Variants in MYL4 observed in about 807,000 individuals in gnomAD.
MYL4 encodes atrial myosin light chain 1.
MYL4 carries 16 observed loss-of-function variants against 21.6 expected under a neutral mutation model. The observed-to-expected ratio is 0.74, with a 90% CI of 0.50 to 1.12. MYL4 has a LOEUF of 1.12. MYL4 is among the 50% of genes most tolerant of loss of function. MYL4 has a pLI of 0.00. For missense variants in MYL4, 249 were observed against 252.9 expected (o/e 0.98, Z 0.11); for synonymous variants, 82 against 95.7 (o/e 0.86, Z 0.83).
chr17:47,194,472 C>T, the MYL4 span, among the ~76,000 whole-genome samples: 1 of 152,298 alleles, frequency 6.6e-6, no homozygotes, highest in East Asian at 1.9e-4. Flanking sequence ...ATATTATTCT[C>T]AAAATAATCC....
chr17:47,211,455 GTTAGGACCACGTC>G (rs1272670487), intron 1 of MYL4, among the ~76,000 whole-genome samples: 2 of 152,110 alleles, frequency 1.3e-5, no homozygotes, highest in East Asian at 3.8e-4. Context: ...AGTGTGTGTA[GTTAGGACCACGTC>G]TATTGAGATT....
intron 1 of MYL4, among the ~76,000 whole-genome samples, chr17:47,202,171 A>G (rs1214670807): frequency 2.6e-5 from 4 of 152,084 alleles, no homozygotes; most frequent in African/African-American, 9.7e-5. Flanking sequence ...TTTTTAGTAG[A>G]GAAGGGGTTT....
At chr17:47,191,153 A>AGT in the MYL4 span, among the ~76,000 whole-genome samples, 4 of 152,234 alleles carry the variant, frequency 2.6e-5, no homozygotes, top group African/African-American at 9.6e-5. Context: ...TGTTGGTCAG[A>AGT]GTAAGACTCA....
upstream of MYL4, among the ~76,000 whole-genome samples, chr17:47,206,400 G>A (rs552558019): frequency 1.3e-5 from 2 of 152,236 alleles, no homozygotes; most frequent in South Asian, 2.1e-4. Context: ...AGGATCATAC[G>A]TCTTTGTAGA....
the MYL4 span, among the ~76,000 whole-genome samples, chr17:47,195,333 G>A: frequency 5.3e-5 from 8 of 151,512 alleles, no homozygotes; most frequent in East Asian, 9.7e-4. Flanking sequence ...AGGTTCAAGC[G>A]ATTCTCCTGC....
chr17:47,196,289 A>G (rs2064688794), upstream of MYL4, among the ~76,000 whole-genome samples: 1 of 152,264 alleles, frequency 6.6e-6, no homozygotes, highest in African/African-American at 2.4e-5. Context: ...ATCTAGGAAG[A>G]GAGCCCTCAC....
At chr17:47,221,651 A>G in intron 3 of MYL4, 31 bp from the exon 4 acceptor site, 1 of 1,595,644 alleles carries the variant, frequency 6.3e-7, no homozygotes, top group Non-Finnish European at 8.6e-7. Flanking sequence ...GCTCACATTG[A>G]TTTCTCTTTC....
At chr17:47,223,103 G>T (rs1484992469) in intron 6 of MYL4, 46 bp downstream of exon 6, 15 of 1,597,832 alleles carry the variant, frequency 9.4e-6, no homozygotes, top group African/African-American at 4.0e-5. Flanking sequence ...GTCACATAGG[G>T]CCTTAAGAAT....
intron 2 of MYL4, among the ~76,000 whole-genome samples, chr17:47,215,821 T>C (rs67777457): frequency 0.086 from 13,130 of 152,224 alleles, 669 homozygotes; most frequent in African/African-American, 0.13. Context: ...GACAAGGTCT[T>C]GCTCTCTCAC....
intron 1 of MYL4, among the ~76,000 whole-genome samples, chr17:47,201,958 T>A (rs112194793): frequency 0.016 from 2,465 of 152,270 alleles, 54 homozygotes; most frequent in African/African-American, 0.056. Flanking sequence ...CATTTCAACA[T>A]GTAATCAATA....
intron 4 of MYL4, 21 bp downstream of exon 4, chr17:47,221,876 TGAA>T (rs1567749996): frequency 6.2e-7 from 1 of 1,604,858 alleles, no homozygotes; most frequent in Non-Finnish European, 8.5e-7. Context: ...TGGGCAGAGA[TGAA>T]GACCAAGTGG....
At chr17:47,222,938 T>C (rs2064867533) in intron 5 of MYL4, 76 bp from the exon 6 acceptor site, 1 of 1,555,208 alleles carries the variant, frequency 6.4e-7, no homozygotes, top group South Asian at 1.1e-5. Context: ...AGTCAGGCAG[T>C]GTAGAGAAGG....
At chr17:47,203,969 C>A (rs1323895671) in intron 1 of MYL4, among the ~76,000 whole-genome samples, 1 of 152,212 alleles carries the variant, frequency 6.6e-6, no homozygotes, top group East Asian at 1.9e-4. Flanking sequence ...GTGTCTGTGG[C>A]CAAAACACTT....
chr17:47,199,316 A>C (rs1026870124), upstream of MYL4, among the ~76,000 whole-genome samples: 2 of 143,638 alleles, frequency 1.4e-5, no homozygotes, highest in Non-Finnish European at 3.0e-5. Context: ...AAAAAAAAAA[A>C]CCCCAGAAAA....
upstream of MYL4, among the ~76,000 whole-genome samples, chr17:47,199,952 G>T (rs887163491): frequency 6.6e-6 from 1 of 151,038 alleles, no homozygotes; most frequent in African/African-American, 2.4e-5. Context: ...TGTTACCCAG[G>T]CAGGTCTCGA....
chr17:47,195,048 G>A, the MYL4 span, among the ~76,000 whole-genome samples: 8 of 147,336 alleles, frequency 5.4e-5, no homozygotes, highest in East Asian at 1.2e-3. Context: ...GCCCCTTCAT[G>A]GAACTTTTTT....
At chr17:47,224,848 G>A (rs994794503), downstream of MYL4, among the ~76,000 whole-genome samples, 5 of 152,168 alleles carry the variant, frequency 3.3e-5, no homozygotes. Flanking sequence ...GCCCTGGAAA[G>A]AGTCAGGGTC....
chr17:47,209,071 TG>T (rs1389935921), upstream of MYL4: 1 of 388,622 alleles, frequency 2.6e-6, no homozygotes, highest in African/African-American at 2.1e-5. Flanking sequence ...TCTCTCTGGC[TG>T]CTCCGGCATA....
At chr17:47,225,936 T>A (rs2149050757), downstream of MYL4, among the ~76,000 whole-genome samples, 1 of 149,986 alleles carries the variant, frequency 6.7e-6, no homozygotes, top group Middle Eastern at 3.5e-3. Context: ...CATAGGTAAA[T>A]TGCATGTCTC....
Sources: gnomAD v4.1 joint callset for allele counts (sites outside exome capture counted in the v4.1 genomes callset) on GRCh38, gnomAD v4.1.1 for gene constraint, MANE v1.5 for transcripts, NCBI Gene and HGNC (gene_info 2026-07-23, HGNC 2026-07-21) for gene names.